The following NFKB1 variants were observed in gnomAD, a reference collection of about 807,000 sequenced individuals.
The protein encoded by NFKB1 is nuclear factor NF-kappa-B p105 subunit.
A neutral mutation model predicts 105.1 loss-of-function variants in NFKB1; 9 were observed. That is an observed-to-expected ratio of 0.09 (90% confidence interval 0.05 to 0.15). NFKB1 has a LOEUF of 0.15. Ranked by LOEUF, NFKB1 falls within the 10% of genes least tolerant of loss-of-function variation. NFKB1 has a pLI of 1.00. For synonymous variants in NFKB1, 440 were observed against 442.2 expected, an observed-to-expected ratio of 1.00 and a Z score of 0.06; for missense variants, 830 against 1,203.7, an observed-to-expected ratio of 0.69 and a Z score of 4.59.
intron 2 of NFKB1, 96 bp downstream of exon 2, chr4:102,525,653 C>A: frequency 8.9e-7 from 1 of 1,121,842 alleles, no homozygotes; most frequent in East Asian, 2.6e-5. Flanking sequence ...TAGGAAAATT[C>A]TAAAATTAGT....
At chr4:102,538,684 C>T (rs1289532559) in intron 5 of NFKB1, among the ~76,000 whole-genome samples, 4 of 152,104 alleles carry the variant, frequency 2.6e-5, no homozygotes, top group Admixed American at 2.0e-4. Flanking sequence ...CTTTTAATTT[C>T]ATAATATGCT....
At chr4:102,537,556 TA>T (rs4648001) in intron 4 of NFKB1, 326 of 196,704 alleles carry the variant, frequency 1.7e-3, no homozygotes, top group Admixed American at 3.9e-3. Flanking sequence ...CGTAACATGT[TA>T]AGTCTAAAGC....
Position 102,559,206 on chromosome 4 carries a change from T to C in NFKB1, c.259-7781T>C, listed in dbSNP as rs1723208728. On this transcript the variant is annotated intron_variant, in intron 5 of 23. Coordinates refer to ENST00000226574, the MANE Select transcript of NFKB1 (RefSeq NM_003998.4). ...GAGATGGTCAGATAGCCTAGGGCCT[T>C]GTAAGCCATTATAACGATTTTGTCT... 2.6e-5 allele frequency among the ~76,000 whole-genome samples: 4 copies of C among 152,286 alleles called. No individual in the cohort carries two copies. In the South Asian group the frequency reaches 8.3e-4, roughly 32 times the overall value.
At chr4:102,557,454 C>T (rs1308629772) in intron 5 of NFKB1, among the ~76,000 whole-genome samples, 1 of 152,162 alleles carries the variant, frequency 6.6e-6, no homozygotes, top group Admixed American at 6.5e-5. Flanking sequence ...TTTATTGAAA[C>T]ATACTCCACT....
intron 9 of NFKB1, among the ~76,000 whole-genome samples, chr4:102,581,149 C>G (rs1226646698): frequency 6.6e-6 from 1 of 152,186 alleles, no homozygotes; most frequent in African/African-American, 2.4e-5. Flanking sequence ...GCACATTTCT[C>G]TCACAATTTT....
intron 2 of NFKB1, among the ~76,000 whole-genome samples, chr4:102,528,196 C>T (rs1278773733): frequency 6.6e-6 from 1 of 152,084 alleles, no homozygotes; most frequent in Non-Finnish European, 1.5e-5. Context: ...GCCCACTCGC[C>T]AGTCATTTAG....
At chr4:102,561,029 A>G (rs566614940) in intron 5 of NFKB1, among the ~76,000 whole-genome samples, 1 of 152,216 alleles carries the variant, frequency 6.6e-6, no homozygotes. Flanking sequence ...ATCACTGACT[A>G]GATCAACTTG....
At chr4:102,556,641 A>T (rs557430065) in intron 5 of NFKB1, among the ~76,000 whole-genome samples, 2 of 152,188 alleles carry the variant, frequency 1.3e-5, no homozygotes, top group South Asian at 4.1e-4. Flanking sequence ...GGATCGGGGG[A>T]TTACTTACAT....
chr4:102,543,989 T>C (rs1360324323), intron 5 of NFKB1, among the ~76,000 whole-genome samples: 1 of 152,116 alleles, frequency 6.6e-6, no homozygotes, highest in African/African-American at 2.4e-5. Flanking sequence ...TACTGTGTGT[T>C]TTGTAAACCA....
chr4:102,586,289 T>C (rs1209205995), intron 11 of NFKB1, among the ~76,000 whole-genome samples: 1 of 152,116 alleles, frequency 6.6e-6, no homozygotes, highest in African/African-American at 2.4e-5. Flanking sequence ...GGTCTAAGAC[T>C]CCCTGACCAG....
At chr4:102,589,265 A>G (rs951927980) in intron 11 of NFKB1, among the ~76,000 whole-genome samples, 1 of 152,222 alleles carries the variant, frequency 6.6e-6, no homozygotes, top group Non-Finnish European at 1.5e-5. Flanking sequence ...TTATTTCTGA[A>G]GATAAATAAG....
intron 5 of NFKB1, among the ~76,000 whole-genome samples, chr4:102,551,441 C>G (rs1722601615): frequency 6.6e-6 from 1 of 151,758 alleles, no homozygotes; most frequent in Non-Finnish European, 1.5e-5. Flanking sequence ...AGATCACCTC[C>G]TGGCTAGATA....
intron 5 of NFKB1, chr4:102,557,023 T>C (rs1299935477): frequency 6.6e-6 from 1 of 152,172 alleles, no homozygotes; most frequent in Non-Finnish European, 1.5e-5. Context: ...AAAAACAGAA[T>C]GGTTAGCCCT....
In NFKB1 at chr4:102,616,642, A is replaced by G. The variant is rs1728969108; in HGVS notation, c.*48A>G. 6 of 1,590,020 alleles carry G rather than the reference A, an allele frequency of 3.8e-6. No individual in the cohort carries two copies. The highest frequency in any genetic ancestry group is 5.1e-6 in the Non-Finnish European group (6 of 1,165,176). ...GTGTAAACCAAAGCCCTAAAATTCC[A>G]CTGCGTTGTCCACAAGACAGAAGCT... On this transcript the variant is annotated 3_prime_UTR_variant, in exon 24 of 24. Transcript: ENST00000226574.
chr4:102,606,747 A>G lies in NFKB1; in HGVS notation c.1954+50A>G, dbSNP rs953817858. 27 of 1,544,292 alleles carry G rather than the reference A, an allele frequency of 1.7e-5. No homozygotes were observed. The African/African-American group carries it at 2.3e-4, about 13-fold the overall frequency. On this transcript the variant is annotated intron_variant, in intron 17 of 23. Coordinates refer to ENST00000226574, the MANE Select transcript of NFKB1 (RefSeq NM_003998.4). ...GTGTAACTTTCTCCACCTTCTAAAT[A>G]TCTACTAGGTATTTGATAAACGTGT...
chr4:102,593,457 C>G lies in NFKB1; in HGVS notation c.1099C>G (p.Leu367Val). ...KEEVQRKRQKLMPNFSDSFGG... is the reference protein window; with the variant it reads ...KEEVQRKRQKVMPNFSDSFGG... ...AGAAGTGCAGAGGAAACGTCAGAAG[C>G]TCATGCCCAATTTTTCGGATAGTTT... The change falls in exon 12 of 24, where the codon CTC becomes GTC. Residue 367 changes from leucine to valine, a missense_variant. Leu to Val is a conservative substitution (Grantham distance 32, BLOSUM62 1). Coordinates refer to ENST00000226574, the MANE Select transcript of NFKB1 (RefSeq NM_003998.4). 1.2e-6 allele frequency: 2 copies of G among 1,613,622 alleles called. No individual in the cohort carries two copies. Among genetic ancestry groups the G allele is most frequent in the Non-Finnish European group, 1.7e-6 (2 of 1,179,650 alleles).
chr4:102,593,366 G>T lies in NFKB1; in HGVS notation c.1067-59G>T, dbSNP rs1403511026. ...CCATTAGAATCAGTGGTCTTTCTGTGGCTAGTGGTGGGACCAAATCAATCT... is the reference window on the plus strand; with the variant it reads ...CCATTAGAATCAGTGGTCTTTCTGTTGCTAGTGGTGGGACCAAATCAATCT... On this transcript the variant is annotated intron_variant, in intron 11 of 23. Transcript: ENST00000226574. 2.8e-6 allele frequency: 4 copies of T among 1,448,194 alleles called. No homozygotes were observed. In the African/African-American group the frequency reaches 5.7e-5, roughly 21 times the overall value. The allele number at this position is 1,448,194 out of a possible 1,614,324, so 89.7% of individuals were successfully genotyped here. A position where few individuals can be genotyped will look rare whatever the true frequency, so the allele number is the denominator to read the frequency against.
At chr4:102,522,468 G>T (rs1423117046) in intron 1 of NFKB1, among the ~76,000 whole-genome samples, 1 of 152,170 alleles carries the variant, frequency 6.6e-6, no homozygotes, top group African/African-American at 2.4e-5. Flanking sequence ...GATATTGAAG[G>T]GGAAGATCAT....
chr4:102,517,667 T>C (rs1740285587), intron 1 of NFKB1, among the ~76,000 whole-genome samples: 2 of 152,286 alleles, frequency 1.3e-5, no homozygotes, highest in South Asian at 4.1e-4. Flanking sequence ...TACAGAGCTA[T>C]AGGTTATAGG....
Sources: gnomAD v4.1 joint callset for allele counts (sites outside exome capture counted in the v4.1 genomes callset) on GRCh38, gnomAD v4.1.1 for gene constraint, MANE v1.5 for transcripts, NCBI Gene and HGNC (gene_info 2026-07-23, HGNC 2026-07-21) for gene names.